The following KAT6A variants were observed in gnomAD, a reference collection of about 807,000 sequenced individuals.
KAT6A encodes the protein lysine acetyltransferase 6A.
Under a neutral mutation model 198.4 loss-of-function variants are expected in KAT6A, and 9 were observed. The observed-to-expected ratio is 0.05, with a 90% CI of 0.03 to 0.08. KAT6A has a LOEUF of 0.08. Among genes scored for constraint, KAT6A ranks in the 10% least tolerant of loss-of-function variants. The pLI is 1.00. For synonymous variants in KAT6A, 890 were observed against 883.0 expected, an observed-to-expected ratio of 1.01 and a Z score of -0.14; for missense variants, 2,077 against 2,509.9, an observed-to-expected ratio of 0.83 and a Z score of 3.69.
chr8:41,989,312 C>T (rs529214946), intron 2 of KAT6A, among the ~76,000 whole-genome samples: 1 of 152,228 alleles, frequency 6.6e-6, no homozygotes, highest in South Asian at 2.1e-4. Flanking sequence ...AGTTTGAGAC[C>T]AGCATGGCCA....
chr8:41,998,842 A>T (rs1407652438), intron 2 of KAT6A, among the ~76,000 whole-genome samples: 1 of 152,106 alleles, frequency 6.6e-6, no homozygotes, highest in African/African-American at 2.4e-5. Flanking sequence ...CAAAAGATTT[A>T]TAATAATTAA....
intron 14 of KAT6A, 42 bp downstream of exon 14, chr8:41,942,751 A>G (rs1012539916): frequency 1.6e-5 from 25 of 1,595,390 alleles, no homozygotes; most frequent in Middle Eastern, 1.7e-4. Flanking sequence ...AATCAAAAAT[A>G]TATCTTCTGT....
In KAT6A at chr8:41,978,669, T is replaced by C; in HGVS notation, c.1016A>G (p.Lys339Arg). Residue 339 changes from lysine (K) to arginine (R), a missense_variant, in exon 6 of 17, where the codon AAA becomes AGA. Lys to Arg is a conservative substitution (Grantham distance 26, BLOSUM62 2). Transcript: ENST00000265713. ...RRYTNPIGRPKNRLKKQNTVS... is the reference protein window; with the variant it reads ...RRYTNPIGRPRNRLKKQNTVS... ...CGTGTTTTGTTTCTTTAACCTGTTT[T>C]TTGGACGTCCTATTGGATTAGTATA... 6.2e-7 allele frequency: 1 copy of C among 1,614,098 alleles called. No homozygotes were observed. Among genetic ancestry groups the C allele is most frequent in the South Asian group, 1.1e-5 (1 of 91,078 alleles).
chr8:42,023,544 G>A (rs1314972776), intron 2 of KAT6A, among the ~76,000 whole-genome samples: 9 of 151,356 alleles, frequency 5.9e-5, no homozygotes, highest in Non-Finnish European at 1.5e-5. Context: ...CTGGAGTGCA[G>A]TGGCATGATC....
intron 2 of KAT6A, among the ~76,000 whole-genome samples, chr8:41,998,850 TAA>T (rs202233104): frequency 6.7e-6 from 1 of 149,682 alleles, no homozygotes; most frequent in South Asian, 2.1e-4. Context: ...TTATAATAAT[TAA>T]AAAAAAAATG....
intron 8 of KAT6A, among the ~76,000 whole-genome samples, chr8:41,970,994 G>T (rs1186294302): frequency 6.6e-6 from 1 of 151,720 alleles, no homozygotes; most frequent in Non-Finnish European, 1.5e-5. Flanking sequence ...AACACCGCAT[G>T]TTCTCACTCA....
intron 5 of KAT6A, among the ~76,000 whole-genome samples, chr8:41,979,266 T>A (rs1341489768): frequency 2.6e-5 from 4 of 151,956 alleles, no homozygotes; most frequent in African/African-American, 4.8e-5. Context: ...AGACTCCGTC[T>A]CAAAAAAAAA....
chr8:42,031,262 T>C (rs1250325324), intron 2 of KAT6A, among the ~76,000 whole-genome samples: 1 of 152,220 alleles, frequency 6.6e-6, no homozygotes, highest in Admixed American at 6.5e-5. Flanking sequence ...GAAAAGTGTT[T>C]TTAACTTTTA....
intron 2 of KAT6A, among the ~76,000 whole-genome samples, chr8:42,004,226 A>G (rs1463896725): frequency 6.6e-6 from 1 of 152,228 alleles, no homozygotes; most frequent in Non-Finnish European, 1.5e-5. Flanking sequence ...AATACAGGAT[A>G]GCATATGCTA....
intron 2 of KAT6A, among the ~76,000 whole-genome samples, chr8:42,046,334 G>A (rs898733900): frequency 6.6e-6 from 1 of 151,942 alleles, no homozygotes; most frequent in South Asian, 2.1e-4. Flanking sequence ...TCAGGAGTTC[G>A]AGACCAGCCT....
chr8:42,026,927 T>C (rs937452047), intron 2 of KAT6A, among the ~76,000 whole-genome samples: 6 of 152,222 alleles, frequency 3.9e-5, no homozygotes, highest in South Asian at 2.1e-4. Context: ...TTATTAATGT[T>C]GAAGTATGCT....
intron 8 of KAT6A, chr8:41,957,422 C>CA: frequency 2.6e-6 from 1 of 387,472 alleles, no homozygotes; most frequent in East Asian, 5.9e-5. Context: ...TAGCCAAAAT[C>CA]AAACTGTCAT....
intron 2 of KAT6A, among the ~76,000 whole-genome samples, chr8:42,044,753 T>C (rs1359565115): frequency 6.6e-6 from 1 of 152,206 alleles, no homozygotes; most frequent in East Asian, 1.9e-4. Flanking sequence ...CTGTTTCTGT[T>C]CCAAGCAGAG....
chr8:41,934,617 T>A lies in KAT6A; in HGVS notation c.3603A>T (p.Lys1201Asn). 1 of 1,614,078 alleles carries A rather than the reference T, an allele frequency of 6.2e-7. No individual in the cohort carries two copies. Among genetic ancestry groups the A allele is most frequent in the Non-Finnish European group, 8.5e-7 (1 of 1,180,016 alleles). Residue 1201 changes from lysine (K) to asparagine (N), a missense_variant, in exon 17 of 17, where the codon AAA (lysine) becomes AAT (asparagine). Transcript: ENST00000265713. ...PIVSIPKAGR[K>N]PKIQESEETV... is the part of the protein sequence containing the mutation. Reference sequence around the variant, plus strand: ...TTTCTTCACTCTCCTGGATCTTGGGTTTACGTCCAGCTTTAGGAATGGAAA... The same window carrying A: ...TTTCTTCACTCTCCTGGATCTTGGGATTACGTCCAGCTTTAGGAATGGAAA...
rs1220943324 is a variant in KAT6A, at chr8:41,981,840, G to A, written c.824C>T (p.Ala275Val). Reference protein sequence around the residue: ...CSSCRDQGKNADNMLFCDSCD... With the variant: ...CSSCRDQGKNVDNMLFCDSCD... ...ATATTAGAAGGCAGAGATACTCACC[G>A]CATTTTTGCCTTGATCTCGACAGGA... The change falls in exon 4 of 17, where the codon GCG becomes GTG. Residue 275 changes from alanine to valine, a missense_variant and splice_region_variant. Coordinates refer to ENST00000265713, the MANE Select transcript of KAT6A (RefSeq NM_006766.5). 5 of 1,595,990 alleles carry A rather than the reference G, an allele frequency of 3.1e-6. No individual in the cohort carries two copies. Among genetic ancestry groups the A allele is most frequent in the African/African-American group, 1.3e-5 (1 of 74,654 alleles).
chr8:42,016,978 C>T (rs1826302647), intron 2 of KAT6A, among the ~76,000 whole-genome samples: 1 of 152,024 alleles, frequency 6.6e-6, no homozygotes, highest in South Asian at 2.1e-4. Flanking sequence ...GTTTAAGCCA[C>T]TACTTCAATA....
chr8:41,965,178 C>T (rs1428649409), intron 8 of KAT6A, among the ~76,000 whole-genome samples: 1 of 152,148 alleles, frequency 6.6e-6, no homozygotes, highest in Non-Finnish European at 1.5e-5. Flanking sequence ...GAATTGTGTC[C>T]GTGCTTCTGA....
At chr8:42,014,500 T>A (rs1826173746) in intron 2 of KAT6A, among the ~76,000 whole-genome samples, 1 of 152,236 alleles carries the variant, frequency 6.6e-6, no homozygotes, top group Non-Finnish European at 1.5e-5. Context: ...TGCTCTCTTT[T>A]AAAACACACA....
intron 11 of KAT6A, among the ~76,000 whole-genome samples, 166 bp downstream of exon 11, chr8:41,947,585 C>T (rs1002011413): frequency 2.0e-5 from 3 of 152,206 alleles, no homozygotes; most frequent in Non-Finnish European, 4.4e-5. Flanking sequence ...TGTTACTAAG[C>T]ACCTTCTAGC....
Sources: allele counts gnomAD v4.1 joint callset (sites outside exome capture counted in the v4.1 genomes callset), GRCh38; gene constraint gnomAD v4.1.1; transcripts MANE v1.5; gene names NCBI Gene and HGNC (gene_info 2026-07-23, HGNC 2026-07-21).